The following MUC7 variants were observed in gnomAD, a reference collection of about 807,000 sequenced individuals.
MUC7 encodes the protein mucin-7.
In MUC7, 2 loss-of-function variants were observed where a neutral mutation model predicts 2.5. The ratio of observed to expected loss-of-function variants is 0.81; its 90% CI spans 0.33 to 2.55. MUC7 has a LOEUF of 2.55. Ranked by LOEUF, MUC7 falls within the 30% of genes most tolerant of loss-of-function variation. The pLI is 0.11. For missense variants in MUC7, 408 were observed against 455.6 expected (o/e 0.90, Z 0.95); for synonymous variants, 133 against 173.4 (o/e 0.77, Z 1.83).
intron 1 of MUC7, among the ~76,000 whole-genome samples, chr4:70,436,904 A>T (rs1028014182): frequency 6.6e-5 from 10 of 151,876 alleles, no homozygotes; most frequent in African/African-American, 1.9e-4. Flanking sequence ...CTTTTTGTTG[A>T]TGTTGATGCT....
intron 1 of MUC7, among the ~76,000 whole-genome samples, chr4:70,455,598 A>G (rs1734391337): frequency 6.6e-6 from 1 of 152,182 alleles, no homozygotes; most frequent in South Asian, 2.1e-4. Flanking sequence ...CCTGGTATCA[A>G]AACGTGTAAC....
At chr4:70,457,764 G>C (rs10019330) in intron 1 of MUC7, among the ~76,000 whole-genome samples, 20,854 of 152,010 alleles carry the variant, frequency 0.14, 1,707 homozygotes, top group Middle Eastern at 0.25. Context: ...GTGTGAGAGA[G>C]AGATACCAAG....
intron 1 of MUC7, among the ~76,000 whole-genome samples, chr4:70,434,505 A>T (rs994743459): frequency 6.6e-6 from 1 of 152,148 alleles, no homozygotes; most frequent in Non-Finnish European, 1.5e-5. Flanking sequence ...GTTTATTTGC[A>T]TAGAGGTGTT....
At chr4:70,454,461 C>A (rs1734366730) in intron 1 of MUC7, among the ~76,000 whole-genome samples, 2 of 152,160 alleles carry the variant, frequency 1.3e-5, no homozygotes, top group African/African-American at 4.8e-5. Context: ...GTCCCACAGG[C>A]ACTGCATGCT....
At chr4:70,443,821 C>T (rs1394263283) in intron 1 of MUC7, among the ~76,000 whole-genome samples, 1 of 152,178 alleles carries the variant, frequency 6.6e-6, no homozygotes, top group Non-Finnish European at 1.5e-5. Context: ...AAACCAAAAT[C>T]ACACCTAAAC....
At chr4:70,435,042 T>G (rs917834548) in intron 1 of MUC7, among the ~76,000 whole-genome samples, 1 of 152,230 alleles carries the variant, frequency 6.6e-6, no homozygotes, top group Non-Finnish European at 1.5e-5. Context: ...AATCCTGAGT[T>G]CTAGTTTGAT....
chr4:70,460,068 AT>A (rs1330162677), intron 1 of MUC7, among the ~76,000 whole-genome samples: 2 of 152,142 alleles, frequency 1.3e-5, no homozygotes, highest in Non-Finnish European at 2.9e-5. Context: ...TTATGGGCCC[AT>A]TTTTGGTAAC....
At chr4:70,430,844 T>A (rs1733639651) in intron 1 of MUC7, among the ~76,000 whole-genome samples, 1 of 152,190 alleles carries the variant, frequency 6.6e-6, no homozygotes, top group Admixed American at 6.5e-5. Context: ...AATGCTATTT[T>A]ATTTTTCTAA....
intron 1 of MUC7, among the ~76,000 whole-genome samples, chr4:70,440,209 T>A (rs2109704388): frequency 6.6e-6 from 1 of 152,314 alleles, no homozygotes; most frequent in Admixed American, 6.5e-5. Flanking sequence ...TTATATTACA[T>A]AAAAACTTAA....
intron 1 of MUC7, among the ~76,000 whole-genome samples, chr4:70,441,535 A>G (rs1734005545): frequency 6.6e-6 from 1 of 152,222 alleles, no homozygotes; most frequent in Non-Finnish European, 1.5e-5. Flanking sequence ...TTTAATAAAA[A>G]CTATGATGGT....
Position 70,431,227 on chromosome 4 carries a change from C to T in MUC7, c.-93+540C>T, listed in dbSNP as rs1410483177. Among the ~76,000 whole-genome samples, 5 of 151,836 alleles carry T rather than the reference C, an allele frequency of 3.3e-5. No individual in the cohort carries two copies. In the East Asian group the frequency reaches 9.7e-4, roughly 29 times the overall value. ...AGAACATATGAGAAAAATGTTTTTA[C>T]AATAGACTTTTTTCTTTGTATTGTA... On this transcript the variant is annotated intron_variant, in intron 1 of 3. Coordinates refer to the MUC7 transcript ENST00000413702.
At chr4:70,469,331 C>T (rs928887445), upstream of MUC7, among the ~76,000 whole-genome samples, 1 of 152,184 alleles carries the variant, frequency 6.6e-6, no homozygotes, top group Non-Finnish European at 1.5e-5. Context: ...CAATAACATT[C>T]AGGACACAGG....
intron 1 of MUC7, among the ~76,000 whole-genome samples, chr4:70,462,496 T>C (rs4694315): frequency 0.34 from 51,650 of 152,068 alleles, 9,681 homozygotes; most frequent in Admixed American, 0.43. Flanking sequence ...TTTATAATTA[T>C]GAAGTATATG....
At chr4:70,474,214 AAT>A in intron 2 of MUC7, 139 bp downstream of exon 2, 1 of 671,330 alleles carries the variant, frequency 1.5e-6, no homozygotes, top group South Asian at 1.9e-5. Flanking sequence ...GAAACCTATA[AAT>A]ATGGACAATT....
intron 1 of MUC7, among the ~76,000 whole-genome samples, chr4:70,436,097 G>T (rs2109699346): frequency 6.6e-6 from 1 of 152,272 alleles, no homozygotes; most frequent in East Asian, 1.9e-4. Flanking sequence ...GCTTCCCTTT[G>T]TGAGTAGCCT....
chr4:70,431,937 C>T (rs1733678724), intron 1 of MUC7, among the ~76,000 whole-genome samples: 1 of 152,074 alleles, frequency 6.6e-6, no homozygotes, highest in Non-Finnish European at 1.5e-5. Context: ...GTGATATTCC[C>T]CTTCCTGTGT....
rs1734923180 is a variant in MUC7, at chr4:70,474,106, T to C, written c.54+31T>C. ...TATTCACCCAAATAAGTTTTTTCCT[T>C]AACTATCAATAACAAACATTTAGTG... On this transcript the variant is annotated intron_variant, in intron 2 of 2. Coordinates refer to ENST00000304887, the MANE Select transcript of MUC7 (RefSeq NM_152291.3). The C allele has an allele frequency of 2.5e-6, 4 of 1,576,824 alleles. No homozygotes were observed. The South Asian group carries it at 3.3e-5, about 13-fold the overall frequency.
intron 1 of MUC7, among the ~76,000 whole-genome samples, chr4:70,433,565 A>C (rs771200440): frequency 1.3e-5 from 2 of 152,156 alleles, no homozygotes; most frequent in Non-Finnish European, 2.9e-5. Flanking sequence ...TGATATTTGC[A>C]TATTGATTTT....
intron 1 of MUC7, among the ~76,000 whole-genome samples, chr4:70,453,018 C>G (rs1461432323): frequency 6.6e-6 from 1 of 152,208 alleles, no homozygotes; most frequent in Non-Finnish European, 1.5e-5. Flanking sequence ...ATGCCACTCT[C>G]TCCTGGCCTG....
Sources: gnomAD v4.1 joint callset for allele counts (sites outside exome capture counted in the v4.1 genomes callset) on GRCh38, gnomAD v4.1.1 for gene constraint, MANE v1.5 for transcripts, NCBI Gene and HGNC (gene_info 2026-07-23, HGNC 2026-07-21) for gene names.